The following PARD3B variants were observed in gnomAD, a reference collection of about 807,000 sequenced individuals.
PARD3B encodes the protein par-3 family cell polarity regulator beta.
Under a neutral mutation model 130.2 loss-of-function variants are expected in PARD3B, and 103 were observed. That is an observed-to-expected ratio of 0.79 (90% CI 0.67 to 0.93). The LOEUF is 0.93. Ranked by LOEUF, PARD3B falls within the 40% of genes least tolerant of loss-of-function variation. The pLI is 0.00. For missense variants in PARD3B, 1,609 were observed against 1,499.2 expected (o/e 1.07, Z -1.21); for synonymous variants, 583 against 553.2 (o/e 1.05, Z -0.76).
At chr2:205,132,103 G>A (rs2032059341) in intron 10 of PARD3B, among the ~76,000 whole-genome samples, 1 of 152,124 alleles carries the variant, frequency 6.6e-6, no homozygotes, top group African/African-American at 2.4e-5. Flanking sequence ...GGGCCACAGA[G>A]AATGGGATTT....
chr2:205,018,983 G>A (rs999576968), intron 3 of PARD3B, among the ~76,000 whole-genome samples: 1 of 151,980 alleles, frequency 6.6e-6, no homozygotes, highest in Non-Finnish European at 1.5e-5. Flanking sequence ...GCTTATTGAT[G>A]TATAATTCAT....
intron 2 of PARD3B, among the ~76,000 whole-genome samples, chr2:204,865,449 C>T (rs1389680610): frequency 6.6e-6 from 1 of 152,162 alleles, no homozygotes; most frequent in Admixed American, 6.5e-5. Flanking sequence ...GAATACTACT[C>T]AGCTATAAAA....
intron 3 of PARD3B, among the ~76,000 whole-genome samples, chr2:205,041,395 G>A (rs1698391011): frequency 6.6e-6 from 1 of 152,200 alleles, no homozygotes; most frequent in Non-Finnish European, 1.5e-5. Context: ...CTTCAAGCCA[G>A]AAATGAGAAT....
intron 14 of PARD3B, among the ~76,000 whole-genome samples, chr2:205,188,961 T>A (rs2036248508): frequency 6.6e-6 from 1 of 152,176 alleles, no homozygotes. Context: ...TTTTTACTAT[T>A]ATGCAATGAT....
chr2:204,558,095 T>A (rs1433499208), intron 1 of PARD3B: 1 of 152,202 alleles, frequency 6.6e-6, no homozygotes, highest in African/African-American at 2.4e-5. Flanking sequence ...TTTTTTGGAT[T>A]GCAATGTGGT....
chr2:205,089,460 CT>C (rs1701967404), intron 4 of PARD3B, among the ~76,000 whole-genome samples: 2 of 152,124 alleles, frequency 1.3e-5, no homozygotes, highest in African/African-American at 4.8e-5. Context: ...GCGCTTAATC[CT>C]TGGGCTTACT....
intron 2 of PARD3B, among the ~76,000 whole-genome samples, chr2:204,807,027 C>T (rs542713298): frequency 3.9e-5 from 6 of 152,186 alleles, no homozygotes; most frequent in African/African-American, 1.2e-4. Context: ...TTGCAGAAGG[C>T]GAAGGAGGAG....
At chr2:205,417,208 C>G (rs563663306) in intron 19 of PARD3B, among the ~76,000 whole-genome samples, 1 of 151,768 alleles carries the variant, frequency 6.6e-6, no homozygotes, top group Non-Finnish European at 1.5e-5. Flanking sequence ...TGATAGTTTG[C>G]TCAGAATGAT....
At chr2:204,834,322 A>AAT (rs939540507) in intron 2 of PARD3B, among the ~76,000 whole-genome samples, 18 of 152,322 alleles carry the variant, frequency 1.2e-4, no homozygotes, top group African/African-American at 4.3e-4. Flanking sequence ...TCAATACATA[A>AAT]ATATATATTG....
intron 21 of PARD3B, among the ~76,000 whole-genome samples, chr2:205,502,814 A>T (rs1224588041): frequency 6.6e-6 from 1 of 151,974 alleles, no homozygotes; most frequent in Non-Finnish European, 1.5e-5. Context: ...TATATATATA[A>T]ATATATATGA....
chr2:204,963,903 G>A lies in PARD3B; in HGVS notation c.223-1249G>A, dbSNP rs988277755. ...AAAGAAGTCTCCATACTGGAAATGA[G>A]TAGTCAGTTATGAAAATTATTTTTG... On this transcript the variant is annotated intron_variant, in intron 2 of 22. Transcript: ENST00000406610. Among the ~76,000 whole-genome samples, 6 of 152,316 alleles carry A rather than the reference G, an allele frequency of 3.9e-5. No homozygotes were observed. In the East Asian group the frequency reaches 1.2e-3, roughly 29 times the overall value.
chr2:205,114,929 A>T (rs535617145), intron 6 of PARD3B, among the ~76,000 whole-genome samples: 89 of 152,082 alleles, frequency 5.9e-4, no homozygotes, highest in Non-Finnish European at 1.2e-3. Context: ...GTTGTTTTTG[A>T]TAGATAGGGT....
At chr2:205,469,564 G>C (rs2048752565) in intron 20 of PARD3B, among the ~76,000 whole-genome samples, 1 of 152,108 alleles carries the variant, frequency 6.6e-6, no homozygotes, top group African/African-American at 2.4e-5. Flanking sequence ...TTCTTAAGGG[G>C]AACAAGGTTG....
chr2:205,501,736 A>G (rs1479778201), intron 21 of PARD3B, among the ~76,000 whole-genome samples: 1 of 152,208 alleles, frequency 6.6e-6, no homozygotes, highest in Admixed American at 6.5e-5. Flanking sequence ...ATTTCCTTAC[A>G]TCAAGCTGAA....
At position 205,172,243 on chromosome 2, in the gene PARD3B, T is replaced by G. The variant is rs374094259; in HGVS notation, c.1653T>G (p.Ile551Met). 1 of 1,614,056 alleles carries G rather than the reference T, an allele frequency of 6.2e-7. No homozygotes were observed. The highest frequency in any genetic ancestry group is 1.3e-5 in the African/African-American group (1 of 74,924). ...GTCTGCGAATGAATGACCAGCTGAT[T>G]GCAGTTAATGGGGAATCTCTTTTGG... is the stretch of plus-strand genomic sequence containing the variant. ...DGRLRMNDQL[I>M]AVNGESLLGK... The change falls in exon 12 of 23, where the codon ATT becomes ATG. Residue 551 changes from isoleucine (I) to methionine (M), a missense_variant. By Grantham distance (10) the Ile-to-Met change is conservative. Coordinates refer to ENST00000406610, the MANE Select transcript of PARD3B (RefSeq NM_001302769.2).
chr2:204,877,288 C>G (rs1171637448), intron 2 of PARD3B, among the ~76,000 whole-genome samples: 2 of 151,950 alleles, frequency 1.3e-5, no homozygotes, highest in Non-Finnish European at 2.9e-5. Context: ...AGGAGATATA[C>G]CTAATGTAAA....
intron 18 of PARD3B, among the ~76,000 whole-genome samples, chr2:205,349,432 T>A (rs2043911389): frequency 6.6e-6 from 1 of 152,242 alleles, no homozygotes; most frequent in African/African-American, 2.4e-5. Context: ...CATGGTCAGA[T>A]AGTAAGTAGC....
chr2:204,934,279 A>G (rs976402450), intron 2 of PARD3B, among the ~76,000 whole-genome samples: 1 of 152,250 alleles, frequency 6.6e-6, no homozygotes, highest in Non-Finnish European at 1.5e-5. Flanking sequence ...GTTTAAAAAT[A>G]TGTTTAATGC....
chr2:205,214,489 CA>C (rs58426242), intron 15 of PARD3B, among the ~76,000 whole-genome samples: 1,723 of 120,934 alleles, frequency 0.014, 15 homozygotes, highest in Middle Eastern at 0.029. Context: ...AAGGTGATAC[CA>C]AAAAAAAAAA....
Sources: allele counts gnomAD v4.1 joint callset (sites outside exome capture counted in the v4.1 genomes callset), GRCh38; gene constraint gnomAD v4.1.1; transcripts MANE v1.5; gene names NCBI Gene and HGNC (gene_info 2026-07-23, HGNC 2026-07-21).